The following PTPN2 variants were observed in gnomAD, a reference collection of about 807,000 sequenced individuals.
PTPN2 encodes protein tyrosine phosphatase non-receptor type 2.
Under a neutral mutation model 57.3 loss-of-function variants are expected in PTPN2, and 19 were observed. The ratio of observed to expected loss-of-function variants is 0.33; its 90% CI spans 0.23 to 0.49. PTPN2 has a LOEUF of 0.49. Ranked by LOEUF, PTPN2 falls within the 20% of genes least tolerant of loss-of-function variation. The pLI is 0.99. For synonymous variants in PTPN2, 153 were observed against 164.9 expected (o/e 0.93, Z 0.55); for missense variants, 358 against 501.1 (o/e 0.71, Z 2.73).
intron 2 of PTPN2, among the ~76,000 whole-genome samples, chr18:12,848,990 G>A (rs930966945): frequency 6.6e-6 from 1 of 152,220 alleles, no homozygotes; most frequent in Non-Finnish European, 1.5e-5. Context: ...AGGACCTAGA[G>A]TATAAGGTCA....
At chr18:12,875,776 A>G (rs537066841) in intron 1 of PTPN2, among the ~76,000 whole-genome samples, 6 of 152,332 alleles carry the variant, frequency 3.9e-5, no homozygotes, top group Admixed American at 3.3e-4. Flanking sequence ...ACCAAAGGGA[A>G]GAAGGGGAGT....
intron 1 of PTPN2, among the ~76,000 whole-genome samples, chr18:12,872,626 GGATCACCAGGTGGGCCTAT>G (rs550717942): frequency 1.1e-3 from 166 of 152,272 alleles, no homozygotes; most frequent in African/African-American, 3.8e-3. Flanking sequence ...CTTATCCTAG[GGATCACCAGGTGGGCCTAT>G]GAACCTACTA....
At chr18:12,804,045 A>C (rs2041529121) in intron 7 of PTPN2, among the ~76,000 whole-genome samples, 1 of 152,066 alleles carries the variant, frequency 6.6e-6, no homozygotes, top group African/African-American at 2.4e-5. Flanking sequence ...GGTGGCTCAC[A>C]CCCAAGAACT....
At chr18:12,855,344 A>T (rs921428096) in intron 2 of PTPN2, among the ~76,000 whole-genome samples, 36 of 152,116 alleles carry the variant, frequency 2.4e-4, no homozygotes, top group African/African-American at 8.2e-4. Context: ...ATTTATACAA[A>T]AGAGAAGAAG....
In PTPN2 at chr18:12,794,394, T is replaced by A; in HGVS notation, c.1132A>T (p.Lys378Ter). 3 of 1,614,200 alleles carry A rather than the reference T, an allele frequency of 1.9e-6. No individual in the cohort carries two copies. The highest frequency in any genetic ancestry group is 1.7e-6 in the Non-Finnish European group (2 of 1,180,042). The change falls in exon 9 of 9, where the codon AAA (lysine) becomes TAA (stop). Residue 378 changes from lysine to a stop codon, truncating the protein, a stop_gained. Coordinates refer to ENST00000309660, the MANE Select transcript of PTPN2 (RefSeq NM_002828.4). LOFTEE classifies it high-confidence loss of function. The stretch of plus-strand genomic sequence containing the variant: ...TGCCAATATAACCACCTTTTTCTTT[T>A]TCGTTCATTCTCATTTAGCCTCTGT... Reference protein sequence around the residue: ...MKQRLNENERKRKRWLYWQPI... With the variant: ...MKQRLNENER
In PTPN2 at chr18:12,793,538, GTTTC is replaced by G. The variant is rs777156011; in HGVS notation, c.*736_*739del. The G allele has an allele frequency of 6.7e-5, 66 of 980,234 alleles. No individual in the cohort carries two copies. Among genetic ancestry groups the G allele is most frequent in the Non-Finnish European group, 7.5e-5 (62 of 824,882 alleles). The allele number at this position is 980,234 out of a possible 1,614,324, so 60.7% of individuals were successfully genotyped here. On this transcript the variant is annotated 3_prime_UTR_variant, in exon 9 of 9. Coordinates refer to ENST00000309660, the MANE Select transcript of PTPN2 (RefSeq NM_002828.4). ...AAAGATATTTTTAGGAAAAACTTTTGTTTCTTTGTTTGCTTTTCTTTTTAAAATG... is the reference window on the plus strand; with the variant it reads ...AAAGATATTTTTAGGAAAAACTTTTGTTTGTTTGCTTTTCTTTTTAAAATG...
rs114833664 is a variant in PTPN2, at chr18:12,803,814, G to A, written c.859-1663C>T. Among the ~76,000 whole-genome samples, 1,374 of 152,182 alleles carry A rather than the reference G, an allele frequency of 9.0e-3. 21 individuals are homozygous for A. The highest frequency in any genetic ancestry group is 0.031 in the African/African-American group (1,281 of 41,526). On this transcript the variant is annotated intron_variant, in intron 7 of 8. Transcript: ENST00000309660. ...TACATCCCACTTTCAGCAATGGACA[G>A]ATCATCCAGACATAAAATCAACAAA...
At chr18:12,876,545 T>G (rs2044498684) in intron 1 of PTPN2, among the ~76,000 whole-genome samples, 1 of 152,150 alleles carries the variant, frequency 6.6e-6, no homozygotes, top group Non-Finnish European at 1.5e-5. Flanking sequence ...AACGCAACTA[T>G]CTGGATTTCC....
At chr18:12,828,603 G>A (rs529605229) in intron 4 of PTPN2, among the ~76,000 whole-genome samples, 2 of 152,298 alleles carry the variant, frequency 1.3e-5, no homozygotes, top group South Asian at 2.1e-4. Context: ...AATAGCAGAT[G>A]TAAGATGGAA....
intron 2 of PTPN2, among the ~76,000 whole-genome samples, chr18:12,837,856 A>C (rs1183845887): frequency 6.6e-6 from 1 of 152,202 alleles, no homozygotes; most frequent in Non-Finnish European, 1.5e-5. Flanking sequence ...AATTTATCTG[A>C]GATGTTTCTG....
At position 12,861,525 on chromosome 18, in the gene PTPN2, T is replaced by G. The variant is rs181352717; in HGVS notation, c.70-2271A>C. ...AGTTGTCCCCTATTTATTCTCCCCATTTGCATTGCCGTTCATGATATTTTA... is the reference window on the plus strand; with the variant it reads ...AGTTGTCCCCTATTTATTCTCCCCAGTTGCATTGCCGTTCATGATATTTTA... On this transcript the variant is annotated intron_variant, in intron 1 of 8. Coordinates refer to ENST00000309660, the MANE Select transcript of PTPN2 (RefSeq NM_002828.4). 7.9e-4 allele frequency among the ~76,000 whole-genome samples: 121 copies of G among 152,340 alleles called. 2 individuals are homozygous for G. Among genetic ancestry groups the G allele is most frequent in the African/African-American group, 2.7e-3 (114 of 41,578 alleles).
chr18:12,881,187 C>G (rs1339496215), intron 1 of PTPN2, among the ~76,000 whole-genome samples: 1 of 152,210 alleles, frequency 6.6e-6, no homozygotes, highest in African/African-American at 2.4e-5. Context: ...GTAATCCCAG[C>G]ACTTTGAGAG....
chr18:12,868,459 T>C (rs1408198044), intron 1 of PTPN2, among the ~76,000 whole-genome samples: 1 of 152,014 alleles, frequency 6.6e-6, no homozygotes, highest in Admixed American at 6.5e-5. Context: ...TCTCACCATG[T>C]TAGCCAGGCT....
chr18:12,814,346 CT>C lies in PTPN2; in HGVS notation c.714del (p.Gly239GlufsTer6). The C allele has an allele frequency of 6.3e-7, 1 of 1,582,160 alleles. No homozygotes were observed. The highest frequency in any genetic ancestry group is 8.6e-7 in the Non-Finnish European group (1 of 1,168,040). ...LVDTCLVLMEKGDDINIKQVL... is the reference protein window; with the variant it reads ...LVDTCLVLMEXGDDINIKQVL... ...ACTTGTTTTATGTTAATATCATCTC[CT>C]TTTTCCATCTGCAAGAAAGGCAAAA... On this transcript the variant is annotated frameshift_variant, in exon 7 of 9. Transcript: ENST00000309660. LOFTEE classifies it high-confidence loss of function.
chr18:12,822,473 C>A (rs569972227), intron 5 of PTPN2, among the ~76,000 whole-genome samples: 1 of 152,142 alleles, frequency 6.6e-6, no homozygotes, highest in Admixed American at 6.6e-5. Context: ...CACTGAAAGC[C>A]GAGATGCAAT....
chr18:12,818,267 C>T (rs2042145854), intron 5 of PTPN2, among the ~76,000 whole-genome samples: 1 of 152,040 alleles, frequency 6.6e-6, no homozygotes, highest in Admixed American at 6.5e-5. Context: ...TTAGATTCTG[C>T]TACACAGGCA....
intron 1 of PTPN2, among the ~76,000 whole-genome samples, chr18:12,864,561 A>C (rs1244415017): frequency 6.6e-6 from 1 of 151,726 alleles, no homozygotes; most frequent in African/African-American, 2.4e-5. Context: ...ACGCCCGGCT[A>C]ATTTTTTTTT....
chr18:12,858,181 T>A (rs2043659820), intron 2 of PTPN2, among the ~76,000 whole-genome samples: 1 of 152,110 alleles, frequency 6.6e-6, no homozygotes, highest in Admixed American at 6.6e-5. Flanking sequence ...GGCAGCACCA[T>A]ACCCTAGTCA....
chr18:12,834,572 G>T (rs2042785906), intron 3 of PTPN2, among the ~76,000 whole-genome samples: 1 of 152,130 alleles, frequency 6.6e-6, no homozygotes, highest in Admixed American at 6.5e-5. Flanking sequence ...CCACAGAGTA[G>T]GTCTCAGTAA....
Sources: gnomAD v4.1 joint callset for allele counts (sites outside exome capture counted in the v4.1 genomes callset) on GRCh38, gnomAD v4.1.1 for gene constraint, MANE v1.5 for transcripts, NCBI Gene and HGNC (gene_info 2026-07-23, HGNC 2026-07-21) for gene names.